The following SIRT4 variants were observed in gnomAD, a reference collection of about 807,000 sequenced individuals.
The protein encoded by SIRT4 is NAD-dependent protein lipoamidase sirtuin-4, mitochondrial.
In SIRT4, 23 loss-of-function variants were observed where a neutral mutation model predicts 26.1. The observed-to-expected ratio is 0.88, with a 90% CI of 0.63 to 1.25. The LOEUF is 1.25. SIRT4 is among the 50% of genes most tolerant of loss of function. SIRT4 has a pLI of 0.00. For missense variants in SIRT4, 361 were observed against 405.4 expected, an observed-to-expected ratio of 0.89 and a Z score of 0.94; for synonymous variants, 155 against 158.4, an observed-to-expected ratio of 0.98 and a Z score of 0.16.
At chr12:120,293,149 A>T in the SIRT4 span, 1 of 152,108 alleles carries the variant, frequency 6.6e-6, no homozygotes, top group African/African-American at 2.4e-5. Flanking sequence ...GCAAGTCGTC[A>T]CGGCGGGGTA....
At position 120,304,752 on chromosome 12, in the gene SIRT4, C is replaced by A. The variant is rs193066882; in HGVS notation, c.497+694C>A. Among the ~76,000 whole-genome samples, 1,228 of 147,594 alleles carry A rather than the reference C, an allele frequency of 8.3e-3. 15 individuals carry two copies. The highest frequency in any genetic ancestry group is 0.029 in the African/African-American group (1,166 of 39,888). On this transcript the variant is annotated intron_variant, in intron 2 of 3. Coordinates refer to ENST00000202967, the MANE Select transcript of SIRT4 (RefSeq NM_012240.3). ...ATTGCTTGAGGCTAACAGTTCAGGA[C>A]CAACCTGGCAAACACAGTGAGACTC... is the stretch of plus-strand genomic sequence containing the variant.
upstream of SIRT4, among the ~76,000 whole-genome samples, chr12:120,299,340 T>G (rs1225340483): frequency 6.6e-6 from 1 of 150,578 alleles, no homozygotes. Flanking sequence ...TCACCTGAGG[T>G]CACGAGTTCA....
chr12:120,305,222 C>G (rs1872706364), intron 2 of SIRT4, among the ~76,000 whole-genome samples: 1 of 120,492 alleles, frequency 8.3e-6, no homozygotes, highest in Admixed American at 9.4e-5. Flanking sequence ...CTTTTATTTT[C>G]TTTTGTGTTT....
At chr12:120,307,086 A>C (rs1181003210) in intron 2 of SIRT4, among the ~76,000 whole-genome samples, 1 of 152,188 alleles carries the variant, frequency 6.6e-6, no homozygotes, top group Non-Finnish European at 1.5e-5. Context: ...TGAGGGCTGA[A>C]GTCAGTCTGC....
the SIRT4 span, chr12:120,291,853 T>G: frequency 6.6e-6 from 1 of 152,164 alleles, no homozygotes; most frequent in Non-Finnish European, 1.5e-5. Context: ...TTAGCAATAA[T>G]CGCGCCTCGG....
chr12:120,312,652 G>T lies in SIRT4; in HGVS notation c.694G>T (p.Val232Phe). 6.2e-7 allele frequency: 1 copy of T among 1,614,086 alleles called. No homozygotes were observed. The highest frequency in any genetic ancestry group is 8.5e-7 in the Non-Finnish European group (1 of 1,180,026). The change falls in exon 3 of 4, where the codon GTT becomes TTT. Residue 232 changes from valine to phenylalanine, a missense_variant. By Grantham distance (50) the Val-to-Phe change is conservative. Coordinates refer to ENST00000202967, the MANE Select transcript of SIRT4 (RefSeq NM_012240.3). ...QCGGHLKPDVVFFGDTVNPDK... is the reference protein window; with the variant it reads ...QCGGHLKPDVFFFGDTVNPDK... ...TGGAGGCCATCTGAAACCAGATGTCGTTTTCTTCGGGGACACAGTGAACCC... is the reference window on the plus strand; with the variant it reads ...TGGAGGCCATCTGAAACCAGATGTCTTTTTCTTCGGGGACACAGTGAACCC...
chr12:120,293,227 T>G, the SIRT4 span: 3 of 152,222 alleles, frequency 2.0e-5, no homozygotes, highest in African/African-American at 7.2e-5. Flanking sequence ...ATACTGCCAC[T>G]GCGCAAAGCT....
At chr12:120,297,439 ACT>A (rs1446683102), upstream of SIRT4, among the ~76,000 whole-genome samples, 1 of 150,608 alleles carries the variant, frequency 6.6e-6, no homozygotes, top group South Asian at 2.1e-4. Context: ...GGCCCATTAC[ACT>A]CTCTCAGTAG....
intron 1 of SIRT4, 23 bp from the exon 2 acceptor site, chr12:120,303,538 A>T: frequency 6.4e-7 from 1 of 1,556,464 alleles, no homozygotes; most frequent in African/African-American, 1.4e-5. Flanking sequence ...CCAGTTTCTC[A>T]CATGAGGCTT....
the SIRT4 span, chr12:120,291,984 G>T: frequency 1.3e-5 from 2 of 152,118 alleles, no homozygotes; most frequent in African/African-American, 4.8e-5. Context: ...CCGTGTGTCC[G>T]TGTATACGAC....
At position 120,312,663 on chromosome 12, in the gene SIRT4, G is replaced by A. The variant is rs1382015758; in HGVS notation, c.705G>A (p.Gly235=). ...GHLKPDVVFF[G]DTVNPDKVDF... is the part of the protein sequence containing the mutation. ...TGAAACCAGATGTCGTTTTCTTCGG[G>A]GACACAGTGAACCCTGACAAGGTTG... The change falls in exon 3 of 4, where the codon GGG becomes GGA. Residue 235 remains glycine (G), a synonymous_variant. Transcript: ENST00000202967. 4 of 1,614,044 alleles carry A rather than the reference G, an allele frequency of 2.5e-6. No homozygotes were observed. The highest frequency in any genetic ancestry group is 2.5e-6 in the Non-Finnish European group (3 of 1,180,020).
chr12:120,304,129 T>G, intron 2 of SIRT4, 71 bp downstream of exon 2: 1 of 1,551,046 alleles, frequency 6.4e-7, no homozygotes, highest in Non-Finnish European at 8.7e-7. Context: ...CTTGGCTGTC[T>G]TGATCACCAC....
rs1254801981 is a variant in SIRT4 at position 120,304,803 on chromosome 12, TTATATATATA to T, written c.497+769_497+778del. Among the ~76,000 whole-genome samples the T allele has an allele frequency of 1.9e-3, 112 of 60,366 alleles. 3 individuals carry two copies. The highest frequency in any genetic ancestry group is 4.6e-3 in the South Asian group (7 of 1,520). 39.6% of individuals were successfully genotyped at this position (60,366 alleles called of 152,430 possible). A position where few individuals can be genotyped will look rare whatever the true frequency, so the allele number is the denominator to read the frequency against. On this transcript the variant is annotated intron_variant, in intron 2 of 3. Coordinates refer to ENST00000202967, the MANE Select transcript of SIRT4 (RefSeq NM_012240.3). ...TGTCTCTATATAAGTAAAGTAAATTTTATATATATATATATATATATATATATATATATTT... is the reference window on the plus strand; with the variant it reads ...TGTCTCTATATAAGTAAAGTAAATTTTATATATATATATATATATATATTT...
chr12:120,300,584 C>T (rs989288825), upstream of SIRT4, among the ~76,000 whole-genome samples: 4 of 152,076 alleles, frequency 2.6e-5, no homozygotes, highest in Admixed American at 2.6e-4. Context: ...GTAGCTGGGA[C>T]TACAGGCACA....
chr12:120,305,476 G>A (rs1872714627), intron 2 of SIRT4, among the ~76,000 whole-genome samples: 1 of 152,016 alleles, frequency 6.6e-6, no homozygotes, highest in African/African-American at 2.4e-5. Flanking sequence ...GCCCAGGCTG[G>A]TCTCGAACTC....
upstream of SIRT4, among the ~76,000 whole-genome samples, chr12:120,297,724 A>AT (rs1379847442): frequency 1.3e-5 from 2 of 152,150 alleles, no homozygotes; most frequent in African/African-American, 4.8e-5. Context: ...AGTGATGATC[A>AT]TTCCACTTGG....
the SIRT4 span, among the ~76,000 whole-genome samples, chr12:120,292,811 A>G: frequency 6.6e-6 from 1 of 152,010 alleles, no homozygotes; most frequent in Non-Finnish European, 1.5e-5. Context: ...CGTCTCAAAA[A>G]GAAAACAGTG....
the SIRT4 span, among the ~76,000 whole-genome samples, chr12:120,292,936 A>G: frequency 0.014 from 2,158 of 152,310 alleles, 38 homozygotes; most frequent in Middle Eastern, 0.051. Context: ...GCAAATCACT[A>G]AAACAGGTAA....
chr12:120,293,211 G>T, the SIRT4 span: 2 of 152,156 alleles, frequency 1.3e-5, no homozygotes, highest in Non-Finnish European at 2.9e-5. Flanking sequence ...GACCTCATTG[G>T]CTACGATACT....
Sources: allele counts gnomAD v4.1 joint callset (sites outside exome capture counted in the v4.1 genomes callset), GRCh38; gene constraint gnomAD v4.1.1; transcripts MANE v1.5; gene names NCBI Gene and HGNC (gene_info 2026-07-23, HGNC 2026-07-21).